CREB5: variants seen among roughly 807,000 people sequenced by gnomAD.
CREB5 encodes the protein cAMP responsive element binding protein 5.
CREB5 carries 19 observed loss-of-function variants against 57.1 expected under a neutral mutation model. The observed-to-expected ratio is 0.33, with a 90% confidence interval of 0.23 to 0.49. The LOEUF is 0.49. CREB5 is among the 20% of genes least tolerant of loss of function. CREB5 has a pLI of 0.99. For missense variants in CREB5, 579 were observed against 671.6 expected, an observed-to-expected ratio of 0.86 and a Z score of 1.52; for synonymous variants, 238 against 238.3, an observed-to-expected ratio of 1.00 and a Z score of 0.01.
At chr7:28,447,542 C>A (rs1490922466) in intron 1 of CREB5, among the ~76,000 whole-genome samples, 4 of 152,160 alleles carry the variant, frequency 2.6e-5, no homozygotes, top group Non-Finnish European at 5.9e-5. Context: ...CCATGCTGAG[C>A]TGGAGAGAAA....
At chr7:28,700,023 C>CTAT (rs1451437065) in intron 5 of CREB5, among the ~76,000 whole-genome samples, 1 of 152,142 alleles carries the variant, frequency 6.6e-6, no homozygotes, top group Non-Finnish European at 1.5e-5. Flanking sequence ...AGGGCATCAC[C>CTAT]TAAATGGGAC....
At chr7:28,693,194 A>C (rs950066617) in intron 5 of CREB5, among the ~76,000 whole-genome samples, 2 of 152,242 alleles carry the variant, frequency 1.3e-5, no homozygotes, top group African/African-American at 4.8e-5. Flanking sequence ...GGATGTGTCC[A>C]AAAAGCAAAG....
intron 5 of CREB5, among the ~76,000 whole-genome samples, chr7:28,644,046 C>T (rs1461296275): frequency 1.3e-5 from 2 of 150,864 alleles, no homozygotes; most frequent in Non-Finnish European, 2.9e-5. Context: ...TCACTGTACT[C>T]CAGCCTGGAC....
intron 1 of CREB5, among the ~76,000 whole-genome samples, chr7:28,329,692 G>A (rs1285815751): frequency 6.6e-6 from 1 of 152,180 alleles, no homozygotes; most frequent in African/African-American, 2.4e-5. Context: ...TTTTAGCCAT[G>A]AAAGGGTTCA....
intron 5 of CREB5, among the ~76,000 whole-genome samples, chr7:28,687,278 T>C (rs1006003787): frequency 2.0e-5 from 3 of 152,012 alleles, no homozygotes; most frequent in Non-Finnish European, 4.4e-5. Flanking sequence ...ATTTTTTAGA[T>C]GATATGCTTC....
At chr7:28,402,769 G>T (rs922272946) in intron 1 of CREB5, among the ~76,000 whole-genome samples, 2 of 152,148 alleles carry the variant, frequency 1.3e-5, no homozygotes, top group African/African-American at 4.8e-5. Context: ...CATGGGCAAG[G>T]ACTTCATGAC....
intron 4 of CREB5, among the ~76,000 whole-genome samples, chr7:28,528,273 G>T (rs562724361): frequency 6.6e-6 from 1 of 152,282 alleles, no homozygotes; most frequent in East Asian, 1.9e-4. Context: ...CACTGAGTCG[G>T]CATTAATTGC....
intron 1 of CREB5, among the ~76,000 whole-genome samples, chr7:28,378,927 G>A (rs144548263): frequency 1.3e-5 from 2 of 152,326 alleles, no homozygotes; most frequent in African/African-American, 4.8e-5. Context: ...CCGTAAGCCT[G>A]TCAAAGAAGG....
intron 7 of CREB5, among the ~76,000 whole-genome samples, chr7:28,759,185 C>A (rs557553204): frequency 6.6e-6 from 1 of 152,156 alleles, no homozygotes; most frequent in South Asian, 2.1e-4. Flanking sequence ...TTTTGGAATA[C>A]CTACCTGGTG....
chr7:28,348,396 TGTCTCTCTCTCTCA>T (rs1228818398), intron 1 of CREB5, among the ~76,000 whole-genome samples: 4 of 106,106 alleles, frequency 3.8e-5, no homozygotes, highest in Non-Finnish European at 6.4e-5. Flanking sequence ...TCTCTCTCTC[TGTCTCTCTCTCTCA>T]CACACACACA....
At position 28,684,295 on chromosome 7, in the gene CREB5, C is replaced by T. The variant is rs182388198; in HGVS notation, c.465-34458C>T. Among the ~76,000 whole-genome samples, 10 of 152,318 alleles carry T rather than the reference C, an allele frequency of 6.6e-5. No homozygotes were observed. In the East Asian group the frequency reaches 1.5e-3, roughly 23 times the overall value. ...GCTGTCAGGCCACAGGCTTCAGTGG[C>T]GCCAGCTGTAATTATGGCTGATCAC... On this transcript the variant is annotated intron_variant, in intron 5 of 10. Transcript: ENST00000357727.
chr7:28,764,469 G>A (rs1339346668), intron 7 of CREB5, among the ~76,000 whole-genome samples: 1 of 152,084 alleles, frequency 6.6e-6, no homozygotes, highest in Non-Finnish European at 1.5e-5. Flanking sequence ...TAATGTTTAA[G>A]AGAAGGATCA....
chr7:28,679,697 C>T (rs968832496), intron 5 of CREB5, among the ~76,000 whole-genome samples: 1 of 152,164 alleles, frequency 6.6e-6, no homozygotes, highest in Non-Finnish European at 1.5e-5. Context: ...CTCCTGATTC[C>T]AGGGCCGGTA....
At chr7:28,593,883 A>G (rs1475826468) in intron 5 of CREB5, among the ~76,000 whole-genome samples, 1 of 152,226 alleles carries the variant, frequency 6.6e-6, no homozygotes, top group African/African-American at 2.4e-5. Flanking sequence ...AGTGGGAAAG[A>G]GTAAAACTAT....
chr7:28,336,788 G>T (rs553886157), intron 1 of CREB5, among the ~76,000 whole-genome samples: 9 of 151,116 alleles, frequency 6.0e-5, no homozygotes, highest in Middle Eastern at 3.4e-3. Context: ...TTGTTAGATC[G>T]TTTCTTAGAA....
upstream of CREB5, chr7:28,409,897 G>C: frequency 4.4e-6 from 2 of 455,444 alleles, no homozygotes; most frequent in Non-Finnish European, 8.8e-6. This position sits in a 1 kb window ranked among gnomAD's most constrained non-coding sequence, Gnocchi z 4.4. Context: ...TGCCTCCAGA[G>C]ACCTGGCAAG....
chr7:28,568,962 C>T (rs1272915271), intron 4 of CREB5, among the ~76,000 whole-genome samples: 1 of 152,114 alleles, frequency 6.6e-6, no homozygotes, highest in African/African-American at 2.4e-5. Flanking sequence ...CAGACAGATA[C>T]ATATTTTTTC....
At chr7:28,409,520 G>C (rs983618496), upstream of CREB5, 3 of 163,130 alleles carry the variant, frequency 1.8e-5, no homozygotes, top group African/African-American at 7.2e-5. This position sits in a 1 kb window ranked among gnomAD's most constrained non-coding sequence, Gnocchi z 4.4. Flanking sequence ...GAGTGTACTT[G>C]TTTGCAGGGG....
At chr7:28,800,030 G>A (rs1348877017) in intron 7 of CREB5, among the ~76,000 whole-genome samples, 2 of 152,170 alleles carry the variant, frequency 1.3e-5, no homozygotes, top group Admixed American at 1.3e-4. Flanking sequence ...TGCTAAAGCT[G>A]TGTATTTAAC....
Sources: allele counts gnomAD v4.1 joint callset (sites outside exome capture counted in the v4.1 genomes callset), GRCh38; gene constraint gnomAD v4.1.1; non-coding constraint Gnocchi (gnomAD v3.1); transcripts MANE v1.5; gene names NCBI Gene and HGNC (gene_info 2026-07-23, HGNC 2026-07-21).